ZFHX4: variants seen among roughly 807,000 people sequenced by gnomAD.
The protein encoded by ZFHX4 is zinc finger homeobox 4.
ZFHX4 carries 56 observed loss-of-function variants against 267.6 expected under a neutral mutation model. The observed-to-expected ratio is 0.21, with a 90% confidence interval of 0.17 to 0.26. The LOEUF is 0.26. Among genes scored for constraint, ZFHX4 ranks in the 10% least tolerant of loss-of-function variants. The pLI is 1.00. For missense variants in ZFHX4, 4,332 were observed against 4,420.0 expected (o/e 0.98, Z 0.56); for synonymous variants, 1,778 against 1,665.6 (o/e 1.07, Z -1.64).
chr8:76,698,244 AATT>A (rs1233589110), intron 1 of ZFHX4, among the ~76,000 whole-genome samples: 2 of 152,110 alleles, frequency 1.3e-5, no homozygotes, highest in African/African-American at 4.8e-5. Context: ...AGGGTAGCTA[AATT>A]ATTGGGTCCA....
chr8:76,784,342 T>TA (rs1375059776), intron 4 of ZFHX4, among the ~76,000 whole-genome samples: 6 of 151,132 alleles, frequency 4.0e-5, no homozygotes, highest in Non-Finnish European at 7.4e-5. Flanking sequence ...TCAGTAAATG[T>TA]AAAAAAAAAG....
At chr8:76,796,605 T>C (rs935192748) in intron 4 of ZFHX4, among the ~76,000 whole-genome samples, 4 of 152,160 alleles carry the variant, frequency 2.6e-5, no homozygotes, top group East Asian at 3.9e-4. Context: ...TAAACAAATA[T>C]ACCGTAATAC....
intron 1 of ZFHX4, among the ~76,000 whole-genome samples, chr8:76,693,204 A>G (rs17435015): frequency 0.033 from 4,959 of 152,300 alleles, 111 homozygotes; most frequent in Non-Finnish European, 0.045. Context: ...TAAATGAATG[A>G]TAATTAAAAA....
chr8:76,849,266 C>T, intron 7 of ZFHX4, 138 bp downstream of exon 7: 2 of 1,045,182 alleles, frequency 1.9e-6, no homozygotes. Context: ...GGTATTACCT[C>T]TAATGTTCTA....
chr8:76,729,476 T>C (rs896223950), intron 3 of ZFHX4, among the ~76,000 whole-genome samples: 1 of 152,180 alleles, frequency 6.6e-6, no homozygotes, highest in African/African-American at 2.4e-5. Context: ...TTACTTTTTG[T>C]ACAAAATATC....
intron 1 of ZFHX4, among the ~76,000 whole-genome samples, chr8:76,688,687 T>C (rs1563460403): frequency 6.6e-6 from 1 of 152,120 alleles, no homozygotes; most frequent in Non-Finnish European, 1.5e-5. Flanking sequence ...CTTTCAAAGA[T>C]CGGAATTGGT....
At chr8:76,808,904 C>T (rs1475788234) in intron 4 of ZFHX4, among the ~76,000 whole-genome samples, 1 of 150,650 alleles carries the variant, frequency 6.6e-6, no homozygotes, top group African/African-American at 2.5e-5. Context: ...CTCTCTCTAT[C>T]TCTCTGTCTC....
intron 3 of ZFHX4, among the ~76,000 whole-genome samples, chr8:76,722,867 C>A (rs1394467331): frequency 6.6e-6 from 1 of 151,910 alleles, no homozygotes; most frequent in African/African-American, 2.4e-5. Flanking sequence ...TTTTAAATTT[C>A]TGTAAGTGTA....
rs1195708125 is a variant in ZFHX4, at chr8:76,835,245, A to ATATATGTATATATATATATATG, written c.3394+1844_3394+1845insGTATATATATATATATGTATAT. 5.7e-4 allele frequency among the ~76,000 whole-genome samples: 73 copies of ATATATGTATATATATATATATG among 129,126 alleles called. 2 individuals carry two copies. The highest frequency in any genetic ancestry group is 2.1e-3 in the African/African-American group (69 of 32,566). 84.7% of individuals were successfully genotyped at this position (129,126 alleles called of 152,430 possible). A position where few individuals can be genotyped will look rare whatever the true frequency, so the allele number is the denominator to read the frequency against. On this transcript the variant is annotated intron_variant, in intron 5 of 10. Coordinates refer to ENST00000651372, the MANE Select transcript of ZFHX4 (RefSeq NM_024721.5). ...TATATATATATATATATATATGTAT[A>ATATATGTATATATATATATATG]TATATATATATATATTCATACATAT... is the stretch of plus-strand genomic sequence containing the variant.
rs906991184 is a variant in ZFHX4 at position 76,730,271 on chromosome 8, G to A, written c.3093+22223G>A. On this transcript the variant is annotated intron_variant, in intron 3 of 10. Coordinates refer to ENST00000651372, the MANE Select transcript of ZFHX4 (RefSeq NM_024721.5). ...GGCCAATAGAATGCTTTGTGACCAC[G>A]TGAACAAAGAGATAATGACTGAAGA... Among the ~76,000 whole-genome samples the A allele has an allele frequency of 4.6e-5, 7 of 152,162 alleles. 1 individual carries two copies. Among genetic ancestry groups the A allele is most frequent in the South Asian group, 2.1e-4 (1 of 4,826 alleles).
chr8:76,835,587 G>C lies in ZFHX4; in HGVS notation c.3394+2181G>C, dbSNP rs192261438. ...TAAAAAATTCCAGCTTCAAAGTTAAGTTTACGTTTACCTATGCATGTCTCA... is the reference window on the plus strand; with the variant it reads ...TAAAAAATTCCAGCTTCAAAGTTAACTTTACGTTTACCTATGCATGTCTCA... On this transcript the variant is annotated intron_variant, in intron 5 of 10. Coordinates refer to ENST00000651372, the MANE Select transcript of ZFHX4 (RefSeq NM_024721.5). Among the ~76,000 whole-genome samples the C allele has an allele frequency of 1.2e-3, 182 of 151,896 alleles. No individual in the cohort carries two copies. In the East Asian group the frequency reaches 0.019, roughly 16 times the overall value.
intron 4 of ZFHX4, among the ~76,000 whole-genome samples, chr8:76,828,997 G>T (rs900787225): frequency 1.3e-5 from 2 of 152,084 alleles, no homozygotes; most frequent in Admixed American, 6.5e-5. Flanking sequence ...AGATGTGGAG[G>T]TTTTGCAGGC....
intron 3 of ZFHX4, among the ~76,000 whole-genome samples, chr8:76,709,804 T>C (rs1022833946): frequency 1.1e-4 from 12 of 108,020 alleles, no homozygotes; most frequent in East Asian, 5.4e-4. Flanking sequence ...TGTGTGTGCG[T>C]GTGTGTGTGT....
intron 3 of ZFHX4, among the ~76,000 whole-genome samples, chr8:76,733,842 T>C (rs1054003512): frequency 3.9e-5 from 6 of 152,250 alleles, no homozygotes; most frequent in South Asian, 4.1e-4. Flanking sequence ...TTTAATGTTT[T>C]ATGCCGATGC....
At chr8:76,790,946 AT>A (rs930563422) in intron 4 of ZFHX4, among the ~76,000 whole-genome samples, 1 of 152,170 alleles carries the variant, frequency 6.6e-6, no homozygotes, top group African/African-American at 2.4e-5. Flanking sequence ...CCAGAGAAGA[AT>A]TTTTAAAGGG....
At position 76,730,613 on chromosome 8, in the gene ZFHX4, C is replaced by T. The variant is rs540041032; in HGVS notation, c.3093+22565C>T. 3.9e-5 allele frequency among the ~76,000 whole-genome samples: 6 copies of T among 152,056 alleles called. No homozygotes were observed. The South Asian group carries it at 1.0e-3, about 26-fold the overall frequency. The stretch of plus-strand genomic sequence containing the variant: ...ACTCGGGAGGCTGAGGCATGAGAAT[C>T]GATTGAATCCGGGAGGCAGAGGTTG... On this transcript the variant is annotated intron_variant, in intron 3 of 10. Transcript: ENST00000651372.
rs376122122 is a variant in ZFHX4, at chr8:76,851,047, G to T, written c.4126G>T (p.Asp1376Tyr). Residue 1376 changes from aspartate to tyrosine, a missense_variant, in exon 10 of 11, where the codon GAT becomes TAT. Physicochemically the swap from Asp to Tyr is radical, Grantham distance 160 (BLOSUM62 -3). Transcript: ENST00000651372. ...KDVKIPDTLQ[D>Y]QLNEQQKRQP... ...TGTGAAAATCCCCGACACACTGCAA[G>T]ATCAATTAAATGAACAGCAAAAAAG... 1.2e-6 allele frequency: 2 copies of T among 1,613,840 alleles called. No individual in the cohort carries two copies. Among genetic ancestry groups the T allele is most frequent in the African/African-American group, 2.7e-5 (2 of 74,930 alleles).
chr8:76,768,916 A>G (rs894265677), intron 3 of ZFHX4, among the ~76,000 whole-genome samples: 3 of 152,130 alleles, frequency 2.0e-5, no homozygotes, highest in Non-Finnish European at 4.4e-5. Context: ...GAGATGGCAA[A>G]CAAAACAGAA....
At chr8:76,738,532 C>G (rs1585896509) in intron 3 of ZFHX4, among the ~76,000 whole-genome samples, 1 of 152,148 alleles carries the variant, frequency 6.6e-6, no homozygotes, top group African/African-American at 2.4e-5. Context: ...TATTCATTGT[C>G]TATCCATATT....
Sources: allele counts gnomAD v4.1 joint callset (sites outside exome capture counted in the v4.1 genomes callset), GRCh38; gene constraint gnomAD v4.1.1; transcripts MANE v1.5; gene names NCBI Gene and HGNC (gene_info 2026-07-23, HGNC 2026-07-21).